Variants in SH3GLB1 observed in about 807,000 individuals in gnomAD.
SH3GLB1 encodes endophilin-B1.
Under a neutral mutation model 42.0 loss-of-function variants are expected in SH3GLB1, and 17 were observed. The observed-to-expected ratio is 0.40, with a 90% CI of 0.28 to 0.61. The LOEUF (loss-of-function observed/expected upper bound fraction) is 0.61. SH3GLB1 is among the 20% of genes least tolerant of loss of function. The pLI is 0.36. For missense variants in SH3GLB1, 355 were observed against 426.3 expected (o/e 0.83, Z 1.47); for synonymous variants, 132 against 146.6 (o/e 0.90, Z 0.72).
At chr1:86,741,053 G>T (rs1656037247) in intron 7 of SH3GLB1, among the ~76,000 whole-genome samples, 1 of 152,174 alleles carries the variant, frequency 6.6e-6, no homozygotes, top group South Asian at 2.1e-4. Context: ...ATAACATGAA[G>T]TTGAAGGATT....
At chr1:86,732,518 G>A (rs1381162237) in intron 5 of SH3GLB1, among the ~76,000 whole-genome samples, 1 of 152,126 alleles carries the variant, frequency 6.6e-6, no homozygotes, top group East Asian at 1.9e-4. Context: ...CAGAAGTATA[G>A]ATGATTTGGG....
chr1:86,706,046 G>C (rs1435425721), intron 1 of SH3GLB1, among the ~76,000 whole-genome samples: 1 of 152,162 alleles, frequency 6.6e-6, no homozygotes, highest in Non-Finnish European at 1.5e-5. Context: ...GGTAATAGCT[G>C]CCTATATTAT....
chr1:86,722,592 CAG>C lies in SH3GLB1; in HGVS notation c.400_401del (p.Glu134ThrfsTer26), dbSNP rs1558310929. 6.2e-7 allele frequency: 1 copy of C among 1,609,992 alleles called. No homozygotes were observed. The highest frequency in any genetic ancestry group is 8.5e-7 in the Non-Finnish European group (1 of 1,178,080). On this transcript the variant is annotated frameshift_variant, in exon 4 of 9. Transcript: ENST00000370558. LOFTEE classifies it high-confidence loss of function. ...CCCAAAAAAGAATTGGAACAGCAGA[CAG>C]AGAACTGATTCAAACGTCAGCCTTA... ...ETQKRIGTAD[R>X]ELIQTSALNF... is the part of the protein sequence containing the mutation.
At chr1:86,737,701 G>A (rs1196090673) in intron 7 of SH3GLB1, among the ~76,000 whole-genome samples, 3 of 152,128 alleles carry the variant, frequency 2.0e-5, no homozygotes, top group Non-Finnish European at 4.4e-5. Context: ...CATTCTATAT[G>A]GGGGCAGAAG....
At chr1:86,709,569 A>C (rs1429816695) in intron 1 of SH3GLB1, among the ~76,000 whole-genome samples, 1 of 152,198 alleles carries the variant, frequency 6.6e-6, no homozygotes, top group African/African-American at 2.4e-5. Flanking sequence ...TTATTTGATA[A>C]ATCTTTCAAG....
intron 2 of SH3GLB1, among the ~76,000 whole-genome samples, chr1:86,717,351 C>T (rs996662880): frequency 6.6e-6 from 1 of 152,084 alleles, no homozygotes; most frequent in African/African-American, 2.4e-5. Context: ...TCCTCCTGCC[C>T]CTGTTTTGTG....
chr1:86,740,729 TAGAAG>T (rs910383139), intron 7 of SH3GLB1, among the ~76,000 whole-genome samples: 5 of 152,240 alleles, frequency 3.3e-5, no homozygotes, highest in African/African-American at 1.2e-4. Flanking sequence ...ATGAAGTCAC[TAGAAG>T]AGAAGAGTTC....
intron 5 of SH3GLB1, among the ~76,000 whole-genome samples, chr1:86,724,892 AATATAT>A (rs58927851): frequency 2.1e-4 from 21 of 99,694 alleles, no homozygotes; most frequent in African/African-American, 9.7e-4. Context: ...AAAAAAAAAA[AATATAT>A]ATATATATAT....
Position 86,722,647 on chromosome 1 carries a change from A to G in SH3GLB1, c.451A>G (p.Ile151Val), listed in dbSNP as rs778625773. Residue 151 changes from isoleucine (I) to valine (V), a missense_variant, in exon 4 of 9, where the codon ATA (isoleucine) becomes GTA (valine). Physicochemically the swap from Ile to Val is conservative, Grantham distance 29. Coordinates refer to ENST00000370558, the MANE Select transcript of SH3GLB1 (RefSeq NM_016009.5). Reference sequence around the variant, plus strand: ...TTTTCTTACTCCTTTAAGAAACTTTATAGAAGGAGATTACAAAACAATTGC... The same window carrying G: ...TTTTCTTACTCCTTTAAGAAACTTTGTAGAAGGAGATTACAAAACAATTGC... ...LNFLTPLRNF[I>V]EGDYKTIAKE... 8 of 1,605,470 alleles carry G rather than the reference A, an allele frequency of 5.0e-6. No individual in the cohort carries two copies. The highest frequency in any genetic ancestry group is 6.8e-6 in the Non-Finnish European group (8 of 1,176,556).
intron 7 of SH3GLB1, among the ~76,000 whole-genome samples, chr1:86,739,297 G>C (rs1341092334): frequency 6.6e-6 from 1 of 152,186 alleles, no homozygotes; most frequent in East Asian, 1.9e-4. Context: ...CTCTAGCATA[G>C]AGAGTTGAGG....
At chr1:86,740,395 C>T (rs1655999355) in intron 7 of SH3GLB1, among the ~76,000 whole-genome samples, 1 of 152,174 alleles carries the variant, frequency 6.6e-6, no homozygotes, top group Non-Finnish European at 1.5e-5. Flanking sequence ...TAAAACAAAG[C>T]TTTTCTGTGT....
rs1300890964 is a variant in SH3GLB1, at chr1:86,724,910, TATAAA to T, written c.570+509_570+513del. Among the ~76,000 whole-genome samples, 97 of 135,070 alleles carry T rather than the reference TATAAA, an allele frequency of 7.2e-4. 5 individuals carry two copies. The highest frequency in any genetic ancestry group is 2.6e-3 in the African/African-American group (88 of 33,786). 88.6% of individuals were successfully genotyped at this position (135,070 alleles called of 152,430 possible). A position where few individuals can be genotyped will look rare whatever the true frequency, so the allele number is the denominator to read the frequency against. On this transcript the variant is annotated intron_variant, in intron 5 of 8. Transcript: ENST00000370558. ...AAAAAAAAATATATATATATATATATATAAAATATATAATATATATGTGTGTGTAT... is the reference window on the plus strand; with the variant it reads ...AAAAAAAAATATATATATATATATATATATATAATATATATGTGTGTGTAT...
Position 86,744,451 on chromosome 1 carries a change from A to G in SH3GLB1, c.*1216A>G, listed in dbSNP as rs1656204743. 1 of 152,202 alleles carries G rather than the reference A, an allele frequency of 6.6e-6. No individual in the cohort carries two copies. Among genetic ancestry groups the G allele is most frequent in the Non-Finnish European group, 1.5e-5 (1 of 68,030 alleles). 9.4% of individuals were successfully genotyped at this position (152,202 alleles called of 1,614,324 possible). A position where few individuals can be genotyped will look rare whatever the true frequency, so the allele number is the denominator to read the frequency against. ...ATACAGAAAATTAAGCAATTATCCT[A>G]TAGTAGGATTCGTGGTGTGATGGGG... On this transcript the variant is annotated 3_prime_UTR_variant, in exon 9 of 9. Transcript: ENST00000370558.
chr1:86,736,036 G>A (rs1466383698), intron 7 of SH3GLB1, among the ~76,000 whole-genome samples: 1 of 152,148 alleles, frequency 6.6e-6, no homozygotes, highest in Non-Finnish European at 1.5e-5. Flanking sequence ...AATATTCTAA[G>A]CAAGGAAGAA....
chr1:86,720,093 A>G (rs1654785839), intron 3 of SH3GLB1, among the ~76,000 whole-genome samples: 1 of 152,002 alleles, frequency 6.6e-6, no homozygotes, highest in Non-Finnish European at 1.5e-5. Flanking sequence ...AGGCAAATAT[A>G]TACAGTTAAA....
chr1:86,704,869 G>A lies in SH3GLB1; in HGVS notation c.-31G>A. On this transcript the variant is annotated 5_prime_UTR_variant, in exon 1 of 9. Transcript: ENST00000370558. The stretch of plus-strand genomic sequence containing the variant: ...GGCACCTCCGCCTCGCCGCCGCTAG[G>A]TCGGCCGGCTCCGCCCGGCTGCCGC... The A allele has an allele frequency of 6.6e-7, 1 of 1,514,336 alleles. No individual in the cohort carries two copies. The highest frequency in any genetic ancestry group is 8.9e-7 in the Non-Finnish European group (1 of 1,124,068). 93.8% of individuals were successfully genotyped at this position (1,514,336 alleles called of 1,614,324 possible).
rs895130948 is a variant in SH3GLB1, at chr1:86,724,375, A to G, written c.540A>G (p.Lys180=). The change falls in exon 5 of 9, where the codon AAA becomes AAG. Residue 180 remains lysine (K), a synonymous_variant. Coordinates refer to ENST00000370558, the MANE Select transcript of SH3GLB1 (RefSeq NM_016009.5). ...LDLDAAKTRL[K]KAKAAETRNS... is the part of the protein sequence containing the mutation. The stretch of plus-strand genomic sequence containing the variant: ...TGGATGCTGCAAAAACGAGACTAAA[A>G]AAGGCAAAAGCTGCAGAAACTAGAA... The G allele has an allele frequency of 1.2e-6, 2 of 1,604,292 alleles. No individual in the cohort carries two copies. The highest frequency in any genetic ancestry group is 2.7e-5 in the African/African-American group (2 of 74,286).
At chr1:86,728,459 G>C in intron 5 of SH3GLB1, 2 of 1,552,450 alleles carry the variant, frequency 1.3e-6, no homozygotes, top group Non-Finnish European at 1.7e-6. Context: ...TCTCTTACAT[G>C]CTCAACTTCC....
chr1:86,731,005 G>A (rs1021830884), intron 5 of SH3GLB1, among the ~76,000 whole-genome samples: 1 of 152,004 alleles, frequency 6.6e-6, no homozygotes, highest in African/African-American at 2.4e-5. Flanking sequence ...GTTGTTTTTC[G>A]ACTATGTTGT....
Sources: allele counts gnomAD v4.1 joint callset (sites outside exome capture counted in the v4.1 genomes callset), GRCh38; gene constraint gnomAD v4.1.1; transcripts MANE v1.5; gene names NCBI Gene and HGNC (gene_info 2026-07-23, HGNC 2026-07-21).